KCNMB2: variants seen among roughly 807,000 people sequenced by gnomAD.
KCNMB2 encodes potassium calcium-activated channel subfamily M regulatory beta subunit 2.
Under a neutral mutation model 24.5 loss-of-function variants are expected in KCNMB2, and 9 were observed. The ratio of observed to expected loss-of-function variants is 0.37; its 90% CI spans 0.22 to 0.64. The LOEUF is 0.64. KCNMB2 is among the 30% of genes least tolerant of loss of function. The pLI is 0.63. For synonymous variants in KCNMB2, 109 were observed against 104.4 expected (o/e 1.04, Z -0.27); for missense variants, 226 against 284.3 (o/e 0.79, Z 1.47).
chr3:178,561,952 T>C (rs1716331331), intron 1 of KCNMB2, among the ~76,000 whole-genome samples: 1 of 152,248 alleles, frequency 6.6e-6, no homozygotes, highest in African/African-American at 2.4e-5. Context: ...ATTGGGCTTA[T>C]TTAAAATTCA....
chr3:178,677,312 G>A (rs1721104018), intron 1 of KCNMB2, among the ~76,000 whole-genome samples: 1 of 152,132 alleles, frequency 6.6e-6, no homozygotes, highest in Non-Finnish European at 1.5e-5. Flanking sequence ...GACACCATAA[G>A]GAGGGTATGT....
At chr3:178,663,308 G>T (rs573987555) in intron 1 of KCNMB2, among the ~76,000 whole-genome samples, 1 of 152,104 alleles carries the variant, frequency 6.6e-6, no homozygotes, top group African/African-American at 2.4e-5. Context: ...ATGATTCTTT[G>T]AGAGTCACTG....
chr3:178,586,995 A>G lies in KCNMB2; in HGVS notation c.-68+50284A>G, dbSNP rs188722858. On this transcript the variant is annotated intron_variant, in intron 1 of 4. Coordinates refer to ENST00000452583, the MANE Select transcript of KCNMB2 (RefSeq NM_181361.3). The stretch of plus-strand genomic sequence containing the variant: ...AATGTGGATTAAAACCACCTTTTGG[A>G]TACCAAAAAGGAATATACTTTTATT... Among the ~76,000 whole-genome samples the G allele has an allele frequency of 1.6e-4, 25 of 152,272 alleles. No homozygotes were observed. In the East Asian group the frequency reaches 4.8e-3, roughly 29 times the overall value.
At chr3:178,822,395 TC>T (rs1714666995) in intron 2 of KCNMB2, among the ~76,000 whole-genome samples, 2 of 152,158 alleles carry the variant, frequency 1.3e-5, no homozygotes, top group African/African-American at 4.8e-5. Context: ...TCTTCTCTAT[TC>T]CCATAACACT....
At chr3:178,755,579 G>T (rs2108393781) in intron 1 of KCNMB2, among the ~76,000 whole-genome samples, 1 of 152,214 alleles carries the variant, frequency 6.6e-6, no homozygotes, top group South Asian at 2.1e-4. Context: ...GGTATTTTTG[G>T]TTTTGCCCAA....
intron 1 of KCNMB2, among the ~76,000 whole-genome samples, chr3:178,652,418 T>TA (rs1720157112): frequency 6.6e-6 from 1 of 152,022 alleles, no homozygotes. Context: ...TATACCTATG[T>TA]AAAAAACCTG....
chr3:178,575,825 A>G (rs1471374031), intron 1 of KCNMB2, among the ~76,000 whole-genome samples: 1 of 152,188 alleles, frequency 6.6e-6, no homozygotes, highest in Non-Finnish European at 1.5e-5. Flanking sequence ...TTATGTCCAT[A>G]TATTTATGTC....
intron 1 of KCNMB2, among the ~76,000 whole-genome samples, chr3:178,736,579 G>A (rs1183609393): frequency 6.6e-6 from 1 of 152,172 alleles, no homozygotes; most frequent in Non-Finnish European, 1.5e-5. Context: ...CCGGTTTGAT[G>A]GATGGCTTTG....
intron 1 of KCNMB2, among the ~76,000 whole-genome samples, chr3:178,785,776 A>G (rs1438761800): frequency 1.3e-5 from 2 of 152,142 alleles, no homozygotes; most frequent in Non-Finnish European, 2.9e-5. Flanking sequence ...AAGTTAAAAC[A>G]TTGGCATGTT....
intron 1 of KCNMB2, among the ~76,000 whole-genome samples, chr3:178,659,239 T>C (rs1318043388): frequency 1.3e-5 from 2 of 152,224 alleles, no homozygotes; most frequent in East Asian, 1.9e-4. Flanking sequence ...CATTATATTA[T>C]GCAATTTGAT....
chr3:178,666,019 T>G (rs1482771647), intron 1 of KCNMB2, among the ~76,000 whole-genome samples: 1 of 152,124 alleles, frequency 6.6e-6, no homozygotes, highest in Non-Finnish European at 1.5e-5. Flanking sequence ...TGAGGCAACT[T>G]TGGAGGCCTC....
chr3:178,549,035 A>G (rs1715859085), intron 1 of KCNMB2, among the ~76,000 whole-genome samples: 1 of 152,202 alleles, frequency 6.6e-6, no homozygotes, highest in Non-Finnish European at 1.5e-5. Context: ...GAAATGGCTA[A>G]TATTTTATTT....
At chr3:178,668,368 G>A (rs1431361539) in intron 1 of KCNMB2, among the ~76,000 whole-genome samples, 1 of 152,118 alleles carries the variant, frequency 6.6e-6, no homozygotes, top group Non-Finnish European at 1.5e-5. Flanking sequence ...TTGAATACAG[G>A]AGCCAAGAGA....
chr3:178,792,163 T>C (rs1713347440), intron 1 of KCNMB2, among the ~76,000 whole-genome samples: 8 of 152,076 alleles, frequency 5.3e-5, no homozygotes, highest in Admixed American at 5.2e-4. Flanking sequence ...GATAAACCTA[T>C]CAAAAATAAT....
intron 1 of KCNMB2, among the ~76,000 whole-genome samples, chr3:178,571,516 T>C (rs964584308): frequency 2.3e-4 from 35 of 149,476 alleles, no homozygotes; most frequent in African/African-American, 8.5e-4. Flanking sequence ...TTTATGTATT[T>C]GTTTATGTAT....
chr3:178,842,934 A>C lies in KCNMB2; in HGVS notation c.705A>C (p.Arg235Ser). Residue 235 changes from arginine to serine, a missense_variant, in exon 5 of 5, where the codon AGA becomes AGC. Coordinates refer to ENST00000452583, the MANE Select transcript of KCNMB2 (RefSeq NM_181361.3). ...LLCERIQRIN[R>S] ...GTGAGAGGATCCAACGGATCAATAG[A>C]TAAATGCAAAAATGGATAAAATAAT... The C allele has an allele frequency of 6.3e-7, 1 of 1,596,124 alleles. No individual in the cohort carries two copies. Among genetic ancestry groups the C allele is most frequent in the Non-Finnish European group, 8.5e-7 (1 of 1,170,760 alleles).
chr3:178,656,788 A>G (rs966897152), intron 1 of KCNMB2, among the ~76,000 whole-genome samples: 1 of 152,072 alleles, frequency 6.6e-6, no homozygotes, highest in Non-Finnish European at 1.5e-5. Context: ...ATAAATAAAT[A>G]AAGGAATGCT....
At chr3:178,705,924 C>T (rs539365392) in intron 1 of KCNMB2, among the ~76,000 whole-genome samples, 6 of 152,158 alleles carry the variant, frequency 3.9e-5, no homozygotes, top group South Asian at 4.1e-4. Context: ...GACATAGAAG[C>T]GGAGGAAGAA....
intron 1 of KCNMB2, among the ~76,000 whole-genome samples, chr3:178,553,935 T>C (rs1398771056): frequency 6.6e-6 from 1 of 152,080 alleles, no homozygotes; most frequent in Non-Finnish European, 1.5e-5. Context: ...TGCAAATAAT[T>C]AGACAAAACC....
Sources: allele counts gnomAD v4.1 joint callset (sites outside exome capture counted in the v4.1 genomes callset), GRCh38; gene constraint gnomAD v4.1.1; transcripts MANE v1.5; gene names NCBI Gene and HGNC (gene_info 2026-07-23, HGNC 2026-07-21).